The following GLI3 variants were observed in gnomAD, a reference collection of about 807,000 sequenced individuals.
GLI3 encodes transcription activator GLI3.
Under a neutral mutation model 100.8 loss-of-function variants are expected in GLI3, and 20 were observed. The ratio of observed to expected loss-of-function variants is 0.20; its 90% CI spans 0.14 to 0.29. GLI3 has a LOEUF of 0.29. Among genes scored for constraint, GLI3 ranks in the 10% least tolerant of loss-of-function variants. The pLI, the probability that GLI3 is intolerant of heterozygous loss-of-function variation, is 1.00. For synonymous variants in GLI3, 938 were observed against 860.5 expected (o/e 1.09, Z -1.58); for missense variants, 2,040 against 2,128.5 (o/e 0.96, Z 0.82).
At chr7:41,995,135 T>A (rs1788089237) in intron 10 of GLI3, among the ~76,000 whole-genome samples, 1 of 152,232 alleles carries the variant, frequency 6.6e-6, no homozygotes, top group African/African-American at 2.4e-5. Context: ...AAATGATGTC[T>A]GTATATTTCA....
chr7:42,141,196 A>C (rs1460688102), intron 3 of GLI3, among the ~76,000 whole-genome samples: 1 of 152,178 alleles, frequency 6.6e-6, no homozygotes, highest in Non-Finnish European at 1.5e-5. Context: ...ACATCACTGA[A>C]ATTTGGAAAA....
chr7:42,048,304 G>A (rs1414842937), intron 5 of GLI3, among the ~76,000 whole-genome samples, 187 bp downstream of exon 5: 1 of 152,122 alleles, frequency 6.6e-6, no homozygotes, highest in African/African-American at 2.4e-5. Context: ...TGAAAATGGA[G>A]ATAATAACAC....
chr7:42,118,182 A>C (rs917682906), intron 3 of GLI3: 2 of 395,302 alleles, frequency 5.1e-6, no homozygotes, highest in African/African-American at 4.1e-5. Flanking sequence ...AATACACTCA[A>C]GGGCTTTTTC....
chr7:42,102,526 T>C (rs1785486615), intron 3 of GLI3, among the ~76,000 whole-genome samples: 1 of 152,236 alleles, frequency 6.6e-6, no homozygotes, highest in South Asian at 2.1e-4. Context: ...TTCTGTTGCA[T>C]GTAACCCAAT....
At chr7:42,239,530 G>T (rs576922474), upstream of GLI3, among the ~76,000 whole-genome samples, 322 of 152,200 alleles carry the variant, frequency 2.1e-3, 2 homozygotes, top group Middle Eastern at 0.014. Flanking sequence ...AATACAAATA[G>T]TACATCCTGA....
intron 10 of GLI3, among the ~76,000 whole-genome samples, chr7:41,999,994 C>T (rs1788240744): frequency 1.3e-5 from 2 of 152,182 alleles, no homozygotes; most frequent in South Asian, 4.1e-4. Context: ...CAATGTCTTA[C>T]CCAGACAGGG....
At chr7:42,162,965 C>T (rs1260754739) in intron 2 of GLI3, among the ~76,000 whole-genome samples, 3 of 95,576 alleles carry the variant, frequency 3.1e-5, no homozygotes, top group South Asian at 3.8e-4. Context: ...GAATAAACAC[C>T]TTTTTTTTTT....
chr7:42,211,332 T>C (rs779380241), intron 2 of GLI3, among the ~76,000 whole-genome samples: 1 of 152,238 alleles, frequency 6.6e-6, no homozygotes, highest in Non-Finnish European at 1.5e-5. Flanking sequence ...TTATAAAACA[T>C]TGTTAGCCTA....
At chr7:42,169,961 TA>T (rs901530141) in intron 2 of GLI3, among the ~76,000 whole-genome samples, 67 of 146,266 alleles carry the variant, frequency 4.6e-4, no homozygotes, top group Admixed American at 1.4e-3. Flanking sequence ...TCGCTAAAAT[TA>T]AAAAAAAAAA....
intron 3 of GLI3, among the ~76,000 whole-genome samples, chr7:42,082,516 C>G (rs111862203): frequency 4.6e-5 from 7 of 152,196 alleles, no homozygotes; most frequent in Non-Finnish European, 8.8e-5. Context: ...CTACCGTGAG[C>G]GGAATCTAAG....
chr7:42,178,966 A>C (rs75742229), intron 2 of GLI3, among the ~76,000 whole-genome samples: 3,758 of 152,200 alleles, frequency 0.025, 160 homozygotes, highest in African/African-American at 0.084. Context: ...CAAGGCAAAA[A>C]TGTTCCTGGT....
In GLI3 at chr7:42,044,814, T is replaced by C. The variant is rs559353931; in HGVS notation, c.826+570A>G. Among the ~76,000 whole-genome samples, 9 of 152,000 alleles carry C rather than the reference T, an allele frequency of 5.9e-5. No homozygotes were observed. In the South Asian group the frequency reaches 6.2e-4, roughly 11 times the overall value. ...GCATAAAATCCATGAAACCAAGGAG[T>C]GGGGAGGCAAAGTCCATCCATATAT... On this transcript the variant is annotated intron_variant, in intron 6 of 14. Coordinates refer to ENST00000395925, the MANE Select transcript of GLI3 (RefSeq NM_000168.6).
chr7:42,120,719 C>T (rs1785976456), intron 3 of GLI3, among the ~76,000 whole-genome samples: 1 of 152,142 alleles, frequency 6.6e-6, no homozygotes, highest in East Asian at 1.9e-4. Flanking sequence ...ATGGCTACTG[C>T]CTCTTACTTA....
At chr7:42,194,759 C>CTTT (rs61524545) in intron 2 of GLI3, among the ~76,000 whole-genome samples, 28 of 108,948 alleles carry the variant, frequency 2.6e-4, no homozygotes, top group African/African-American at 8.5e-4. Context: ...CTCTCTGTCT[C>CTTT]TTTTTTTTTT....
At chr7:42,202,868 T>G (rs868045459) in intron 2 of GLI3, among the ~76,000 whole-genome samples, 2 of 152,192 alleles carry the variant, frequency 1.3e-5, no homozygotes, top group Non-Finnish European at 2.9e-5. Flanking sequence ...CCCACTCTTA[T>G]GCACTCAGCA....
At chr7:41,987,157 G>C (rs1314896902) in intron 10 of GLI3, among the ~76,000 whole-genome samples, 2 of 150,166 alleles carry the variant, frequency 1.3e-5, no homozygotes, top group African/African-American at 4.9e-5. Flanking sequence ...GAGTCAAAGT[G>C]GAACCTATTT....
At chr7:42,222,169 G>A (rs936925839) in intron 2 of GLI3, among the ~76,000 whole-genome samples, 5 of 152,224 alleles carry the variant, frequency 3.3e-5, no homozygotes, top group African/African-American at 1.2e-4. Flanking sequence ...AGGAGATTCT[G>A]ACTCTCTAGG....
At chr7:42,059,209 GA>G (rs1784519552) in intron 4 of GLI3, among the ~76,000 whole-genome samples, 1 of 151,990 alleles carries the variant, frequency 6.6e-6, no homozygotes, top group Admixed American at 6.6e-5. Context: ...TTAATTCCAT[GA>G]ATACACATTA....
chr7:42,012,029 G>C (rs1362695910), intron 10 of GLI3, among the ~76,000 whole-genome samples: 1 of 152,136 alleles, frequency 6.6e-6, no homozygotes, highest in African/African-American at 2.4e-5. Context: ...ACTTCCTGCT[G>C]GTCCTCACCG....
Sources: allele counts gnomAD v4.1 joint callset (sites outside exome capture counted in the v4.1 genomes callset), GRCh38; gene constraint gnomAD v4.1.1; transcripts MANE v1.5; gene names NCBI Gene and HGNC (gene_info 2026-07-23, HGNC 2026-07-21).